TENM4: variants seen among roughly 807,000 people sequenced by gnomAD.
The protein encoded by TENM4 is teneurin-4.
Under a neutral mutation model 243.3 loss-of-function variants are expected in TENM4, and 82 were observed. The ratio of observed to expected loss-of-function variants is 0.34; its 90% CI spans 0.28 to 0.40. The LOEUF is 0.40. Ranked by LOEUF, TENM4 falls within the 10% of genes least tolerant of loss-of-function variation. The pLI is 1.00. For missense variants in TENM4, 3,138 were observed against 3,673.3 expected, an observed-to-expected ratio of 0.85 and a Z score of 3.77; for synonymous variants, 1,412 against 1,456.3, an observed-to-expected ratio of 0.97 and a Z score of 0.69.
At chr11:79,239,156 G>A (rs1423976364) in intron 2 of TENM4, among the ~76,000 whole-genome samples, 4 of 152,224 alleles carry the variant, frequency 2.6e-5, no homozygotes, top group Non-Finnish European at 5.9e-5. Flanking sequence ...GGCCCTCTAG[G>A]TGGGGCCACA....
rs191701997 is a variant in TENM4 at position 79,358,022 on chromosome 11, G to A, written c.-320-60479C>T. Among the ~76,000 whole-genome samples, 266 of 152,252 alleles carry A rather than the reference G, an allele frequency of 1.7e-3. 2 individuals carry two copies. Among genetic ancestry groups the A allele is most frequent in the South Asian group, 0.014 (69 of 4,824 alleles). Reference sequence around the variant, plus strand: ...GTTTCCACTTTGAAATATTAACGTCGTAATTACCATGCCCTGAGCTTTATT... The same window carrying A: ...GTTTCCACTTTGAAATATTAACGTCATAATTACCATGCCCTGAGCTTTATT... On this transcript the variant is annotated intron_variant, in intron 1 of 33. Coordinates refer to ENST00000278550, the MANE Select transcript of TENM4 (RefSeq NM_001098816.3).
At chr11:78,998,165 C>T (rs1858224974) in intron 6 of TENM4, among the ~76,000 whole-genome samples, 1 of 152,204 alleles carries the variant, frequency 6.6e-6, no homozygotes, top group Admixed American at 6.5e-5. Flanking sequence ...AGCTTATTTG[C>T]TCAGTGGTCA....
chr11:79,081,103 T>TA (rs371852319), intron 4 of TENM4, among the ~76,000 whole-genome samples: 430 of 152,304 alleles, frequency 2.8e-3, no homozygotes, highest in African/African-American at 0.01. Context: ...TGGTGAAACT[T>TA]AGTTTTAACA....
chr11:79,013,454 C>A, intron 6 of TENM4, among the ~76,000 whole-genome samples: 1 of 152,248 alleles, frequency 6.6e-6, no homozygotes. Context: ...CCCCCAACCC[C>A]CTTCACTGTG....
At chr11:79,056,993 A>G (rs903284421) in intron 6 of TENM4, among the ~76,000 whole-genome samples, 6 of 152,318 alleles carry the variant, frequency 3.9e-5, no homozygotes, top group Middle Eastern at 3.4e-3. Flanking sequence ...GGAGCAGGGA[A>G]GAGAAAGTTC....
chr11:79,227,142 C>A (rs1271902838), intron 2 of TENM4, among the ~76,000 whole-genome samples: 2 of 152,194 alleles, frequency 1.3e-5, no homozygotes, highest in African/African-American at 4.8e-5. Flanking sequence ...ACATCCCTGG[C>A]AGTGGCCACA....
intron 31 of TENM4, among the ~76,000 whole-genome samples, chr11:78,671,443 G>A (rs1350043608): frequency 6.6e-6 from 1 of 152,228 alleles, no homozygotes; most frequent in African/African-American, 2.4e-5. Flanking sequence ...AATGGGGCAT[G>A]CAGTGCACTT....
chr11:79,200,034 C>A (rs529466346), intron 3 of TENM4, among the ~76,000 whole-genome samples: 174 of 152,318 alleles, frequency 1.1e-3, no homozygotes, highest in Non-Finnish European at 2.2e-3. Context: ...TTGGAAAAAA[C>A]TGACTGAGAT....
intron 15 of TENM4, among the ~76,000 whole-genome samples, chr11:78,798,657 C>T (rs774707201): frequency 1.3e-5 from 2 of 152,140 alleles, no homozygotes; most frequent in African/African-American, 2.4e-5. Context: ...ACCCCTGCAG[C>T]TTCTATCTCC....
rs893694425 is a variant in TENM4 at position 78,903,890 on chromosome 11, T to A, written c.494-367A>T. ...AGGGACCAGCAGCTTCAGCATCGTC[T>A]GGGAACTTGTTAGAGATGAAAATAA... On this transcript the variant is annotated intron_variant, in intron 6 of 33. Transcript: ENST00000278550. The A allele has an allele frequency of 1.4e-4, 75 of 526,858 alleles. 1 individual carries two copies. In the Admixed American group the frequency reaches 1.6e-3, roughly 12 times the overall value. 32.6% of individuals were successfully genotyped at this position (526,858 alleles called of 1,614,324 possible).
In TENM4 at chr11:79,431,674, C is replaced by G. The variant is rs1057477971; in HGVS notation, c.-321+8835G>C. Among the ~76,000 whole-genome samples, 2 of 152,218 alleles carry G rather than the reference C, an allele frequency of 1.3e-5. 1 individual carries two copies. The highest frequency in any genetic ancestry group is 3.9e-4 in the East Asian group (2 of 5,194). ...AGTGAAAAATAGCAGCATGAATCAGCATAGAGCATTCAAATAGTCTGCCTG... is the reference window on the plus strand; with the variant it reads ...AGTGAAAAATAGCAGCATGAATCAGGATAGAGCATTCAAATAGTCTGCCTG... On this transcript the variant is annotated intron_variant, in intron 1 of 33. Transcript: ENST00000278550.
chr11:78,697,222 C>T (rs973441140), intron 28 of TENM4, among the ~76,000 whole-genome samples: 1 of 152,118 alleles, frequency 6.6e-6, no homozygotes, highest in Non-Finnish European at 1.5e-5. Flanking sequence ...ACACACTTAG[C>T]CTTTGTAAAT....
At chr11:79,311,042 T>G (rs1856712897) in intron 1 of TENM4, among the ~76,000 whole-genome samples, 1 of 152,204 alleles carries the variant, frequency 6.6e-6, no homozygotes, top group African/African-American at 2.4e-5. Flanking sequence ...CATTCCTTCA[T>G]CAGCCTAATA....
At chr11:78,915,478 A>G (rs1856293761) in intron 6 of TENM4, among the ~76,000 whole-genome samples, 1 of 152,088 alleles carries the variant, frequency 6.6e-6, no homozygotes, top group Non-Finnish European at 1.5e-5. Flanking sequence ...TTACCTAGGA[A>G]CTGTCACTGA....
chr11:79,174,082 C>A (rs903609142), intron 3 of TENM4, among the ~76,000 whole-genome samples: 21 of 152,200 alleles, frequency 1.4e-4, no homozygotes, highest in Admixed American at 1.1e-3. Context: ...AGCTTTTTAA[C>A]CCCCTGGGGA....
rs542980663 is a variant in TENM4 at position 79,234,330 on chromosome 11, C to T, written c.-264-18421G>A. Among the ~76,000 whole-genome samples, 11 of 152,214 alleles carry T rather than the reference C, an allele frequency of 7.2e-5. No homozygotes were observed. In the South Asian group the frequency reaches 1.9e-3, roughly 26 times the overall value. On this transcript the variant is annotated intron_variant, in intron 2 of 33. Coordinates refer to ENST00000278550, the MANE Select transcript of TENM4 (RefSeq NM_001098816.3). ...GGCACCCTGAAAGCTATAGAAAAAG[C>T]GAAGGGAAGGTTTGGCCCTCTATGG...
chr11:78,886,054 C>T (rs1281862590), intron 9 of TENM4, among the ~76,000 whole-genome samples: 1 of 152,196 alleles, frequency 6.6e-6, no homozygotes, highest in African/African-American at 2.4e-5. Flanking sequence ...CTGCCTCCCA[C>T]TCTGGTGGTG....
chr11:78,963,762 C>CA (rs1857380364), intron 6 of TENM4, among the ~76,000 whole-genome samples: 1 of 146,320 alleles, frequency 6.8e-6, no homozygotes, highest in Admixed American at 6.9e-5. Flanking sequence ...GACAGAGTCT[C>CA]ACTCTGTCAC....
chr11:79,128,528 C>T (rs1861928860), intron 4 of TENM4, among the ~76,000 whole-genome samples: 1 of 152,192 alleles, frequency 6.6e-6, no homozygotes, highest in South Asian at 2.1e-4. Context: ...TCTCCCCGAG[C>T]CTGCACCAGT....
Sources: gnomAD v4.1 joint callset for allele counts (sites outside exome capture counted in the v4.1 genomes callset) on GRCh38, gnomAD v4.1.1 for gene constraint, MANE v1.5 for transcripts, NCBI Gene and HGNC (gene_info 2026-07-23, HGNC 2026-07-21) for gene names.